Variants in CLIP4 observed in about 807,000 individuals in gnomAD.
CLIP4 encodes the protein CAP-Gly domain-containing linker protein 4.
CLIP4 carries 47 observed loss-of-function variants against 73.1 expected under a neutral mutation model. The ratio of observed to expected loss-of-function variants is 0.64; its 90% CI spans 0.51 to 0.82. The LOEUF is 0.82. Ranked by LOEUF, CLIP4 falls within the 40% of genes least tolerant of loss-of-function variation. The probability of loss-of-function intolerance (pLI) is 0.00; values close to 1 mark genes in which losing one functional copy is unlikely to be tolerated. For missense variants in CLIP4, 874 were observed against 852.9 expected, an observed-to-expected ratio of 1.02 and a Z score of -0.31; for synonymous variants, 306 against 295.4, an observed-to-expected ratio of 1.04 and a Z score of -0.37.
At chr2:29,111,062 T>C (rs553692686), upstream of CLIP4, among the ~76,000 whole-genome samples, 1 of 152,270 alleles carries the variant, frequency 6.6e-6, no homozygotes, top group Non-Finnish European at 1.5e-5. Flanking sequence ...ATGAACAAGG[T>C]GCTTATAGAA....
At chr2:29,107,464 C>T (rs997686375) in intron 1 of CLIP4, among the ~76,000 whole-genome samples, 8 of 148,592 alleles carry the variant, frequency 5.4e-5, no homozygotes, top group South Asian at 2.2e-4. Context: ...CTCCGCCTCC[C>T]GGGTTCATGC....
chr2:29,146,959 G>T (rs1317936098), intron 8 of CLIP4, among the ~76,000 whole-genome samples: 5 of 152,134 alleles, frequency 3.3e-5, no homozygotes, highest in East Asian at 1.9e-4. Flanking sequence ...ACACACTTAG[G>T]ATGGAATCTC....
At chr2:29,145,092 T>C (rs554117829) in intron 7 of CLIP4, 140 bp from the exon 8 acceptor site, 2 of 620,110 alleles carry the variant, frequency 3.2e-6, no homozygotes, top group South Asian at 4.9e-5. Flanking sequence ...AAAAAGGTAA[T>C]GTTGAGAGAG....
At chr2:29,155,921 A>C (rs1200058650) in intron 9 of CLIP4, among the ~76,000 whole-genome samples, 3 of 152,228 alleles carry the variant, frequency 2.0e-5, no homozygotes, top group Non-Finnish European at 2.9e-5. Context: ...TCCCTGTCTG[A>C]AGTGTTACTG....
chr2:29,117,331 T>C (rs1362836026), intron 1 of CLIP4, among the ~76,000 whole-genome samples: 5 of 150,448 alleles, frequency 3.3e-5, no homozygotes, highest in Admixed American at 6.7e-5. Context: ...CTCTCTCTCT[T>C]TTTTTTGTTT....
upstream of CLIP4, among the ~76,000 whole-genome samples, chr2:29,111,011 A>G (rs1407643016): frequency 6.6e-6 from 1 of 152,148 alleles, no homozygotes; most frequent in Admixed American, 6.6e-5. Context: ...AGACTGAATA[A>G]GGTCACCTAG....
intron 12 of CLIP4, among the ~76,000 whole-genome samples, chr2:29,163,052 A>AG (rs1478654387): frequency 1.3e-5 from 2 of 152,134 alleles, no homozygotes; most frequent in Admixed American, 6.5e-5. Context: ...ATTGGTCTTG[A>AG]GGCACCCTCA....
intron 8 of CLIP4, among the ~76,000 whole-genome samples, chr2:29,147,493 A>T (rs1025672683): frequency 6.6e-6 from 1 of 152,082 alleles, no homozygotes; most frequent in Non-Finnish European, 1.5e-5. Flanking sequence ...ATGCTTTGAT[A>T]ATTCTTCCTA....
At chr2:29,141,108 T>A (rs917645012) in intron 6 of CLIP4, among the ~76,000 whole-genome samples, 2 of 152,156 alleles carry the variant, frequency 1.3e-5, no homozygotes, top group Non-Finnish European at 2.9e-5. Context: ...CTGGAGCAAG[T>A]TTTCTAGTTT....
chr2:29,130,872 C>G, intron 2 of CLIP4: 2 of 1,290,470 alleles, frequency 1.5e-6, no homozygotes, highest in South Asian at 2.5e-5. Flanking sequence ...CATGCTGTTA[C>G]AATCTGAGCT....
At chr2:29,136,879 A>G (rs921622013) in intron 6 of CLIP4, among the ~76,000 whole-genome samples, 5 of 151,762 alleles carry the variant, frequency 3.3e-5, no homozygotes, top group African/African-American at 9.7e-5. Flanking sequence ...ATGCCATGAG[A>G]TACGTTATTG....
At chr2:29,159,011 A>T (rs1667119151) in intron 11 of CLIP4, among the ~76,000 whole-genome samples, 1 of 152,202 alleles carries the variant, frequency 6.6e-6, no homozygotes, top group African/African-American at 2.4e-5. Flanking sequence ...AGGATTTCTG[A>T]TCACAGAGTC....
intron 14 of CLIP4, among the ~76,000 whole-genome samples, chr2:29,170,480 CT>C (rs543199842): frequency 3.0e-4 from 46 of 152,252 alleles, no homozygotes; most frequent in South Asian, 6.2e-4. Context: ...TCTTGTTGTT[CT>C]TTGTATATTT....
intron 7 of CLIP4, 125 bp from the exon 8 acceptor site, chr2:29,145,107 T>C (rs1243461680): frequency 1.4e-6 from 1 of 734,564 alleles, no homozygotes; most frequent in African/African-American, 1.8e-5. Flanking sequence ...AGAGAGCGAA[T>C]TTTTAAAATT....
At chr2:29,130,650 A>C (rs1664908637) in intron 2 of CLIP4, 3 of 1,127,528 alleles carry the variant, frequency 2.7e-6, no homozygotes, top group Non-Finnish European at 3.3e-6. Flanking sequence ...TAAGCTTACG[A>C]ATGTTATCAC....
chr2:29,118,964 G>T (rs1338363139), intron 1 of CLIP4, among the ~76,000 whole-genome samples: 3 of 152,194 alleles, frequency 2.0e-5, no homozygotes, highest in Non-Finnish European at 4.4e-5. Context: ...TCCAGGTGTT[G>T]TAGGTCTTCA....
chr2:29,131,496 C>T, intron 3 of CLIP4, 99 bp downstream of exon 3: 3 of 1,271,092 alleles, frequency 2.4e-6, no homozygotes, highest in Non-Finnish European at 2.2e-6. Flanking sequence ...AAGGAGAAAC[C>T]CTTTAAAAGT....
chr2:29,135,829 A>G (rs1665313102), intron 6 of CLIP4, among the ~76,000 whole-genome samples, 163 bp downstream of exon 6: 1 of 152,202 alleles, frequency 6.6e-6, no homozygotes, highest in African/African-American at 2.4e-5. Flanking sequence ...TTTATTGTAA[A>G]TAAATTTAAG....
chr2:29,104,475 C>G (rs1332973390), intron 1 of CLIP4, among the ~76,000 whole-genome samples: 1 of 151,884 alleles, frequency 6.6e-6, no homozygotes, highest in African/African-American at 2.4e-5. Flanking sequence ...TCTATAGCGA[C>G]AGGGTTTTGC....
Sources: gnomAD v4.1 joint callset for allele counts (sites outside exome capture counted in the v4.1 genomes callset) on GRCh38, gnomAD v4.1.1 for gene constraint, MANE v1.5 for transcripts, NCBI Gene and HGNC (gene_info 2026-07-23, HGNC 2026-07-21) for gene names.